Variants in MAN1C1 observed in about 807,000 individuals in gnomAD.
MAN1C1 encodes the protein mannosyl-oligosaccharide 1,2-alpha-mannosidase IC.
Under a neutral mutation model 71.5 loss-of-function variants are expected in MAN1C1, and 49 were observed. That is an observed-to-expected ratio of 0.69 (90% CI 0.54 to 0.87). The LOEUF (loss-of-function observed/expected upper bound fraction) is 0.87, where lower values mean the gene tolerates loss of function less well. MAN1C1 is among the 40% of genes least tolerant of loss of function. The pLI, the probability that MAN1C1 is intolerant of heterozygous loss-of-function variation, is 0.00. For synonymous variants in MAN1C1, 352 were observed against 343.7 expected (o/e 1.02, Z -0.27); for missense variants, 743 against 835.0 (o/e 0.89, Z 1.36).
chr1:25,771,348 A>G, intron 7 of MAN1C1, among the ~76,000 whole-genome samples: 1 of 152,106 alleles, frequency 6.6e-6, no homozygotes, highest in African/African-American at 2.4e-5. Context: ...AATGCAACTC[A>G]CTTACAGTTA....
intron 2 of MAN1C1, among the ~76,000 whole-genome samples, chr1:25,717,963 A>G (rs780882789): frequency 1.3e-5 from 2 of 152,006 alleles, no homozygotes; most frequent in East Asian, 1.9e-4. Context: ...AGGCTGTTCT[A>G]GTAGATGTGT....
chr1:25,637,627 C>G (rs1399155347), intron 1 of MAN1C1, among the ~76,000 whole-genome samples: 1 of 150,482 alleles, frequency 6.6e-6, no homozygotes, highest in Non-Finnish European at 1.5e-5. Context: ...CTTTTAAAAT[C>G]TTTTATGGAG....
intron 3 of MAN1C1, 36 bp from the exon 4 acceptor site, chr1:25,749,219 G>T: frequency 6.3e-7 from 1 of 1,575,258 alleles, no homozygotes; most frequent in East Asian, 2.2e-5. Context: ...TCTTACAAGT[G>T]TCCCCACTGT....
At chr1:25,626,226 T>A (rs1403382146) in intron 1 of MAN1C1, among the ~76,000 whole-genome samples, 2 of 152,368 alleles carry the variant, frequency 1.3e-5, no homozygotes, top group Non-Finnish European at 2.9e-5. Flanking sequence ...GAGTTCCGCA[T>A]CCTTGCCAAC....
At chr1:25,742,218 G>A (rs2047072107) in intron 2 of MAN1C1, among the ~76,000 whole-genome samples, 1 of 152,216 alleles carries the variant, frequency 6.6e-6, no homozygotes, top group Non-Finnish European at 1.5e-5. Context: ...ATGGAAGCAG[G>A]AGCTTGCACC....
chr1:25,663,282 C>T (rs1240648246), intron 1 of MAN1C1, among the ~76,000 whole-genome samples: 1 of 151,736 alleles, frequency 6.6e-6, no homozygotes, highest in Non-Finnish European at 1.5e-5. Flanking sequence ...ATATCTAGCA[C>T]AGTTCTTAGC....
chr1:25,748,771 G>T (rs1381426731), intron 3 of MAN1C1, among the ~76,000 whole-genome samples: 1 of 152,252 alleles, frequency 6.6e-6, no homozygotes, highest in African/African-American at 2.4e-5. Flanking sequence ...GTAGCTGCCT[G>T]GCTGCCTGGC....
At chr1:25,772,143 C>T (rs928268059) in intron 8 of MAN1C1, 1 of 194,618 alleles carries the variant, frequency 5.1e-6, no homozygotes, top group African/African-American at 2.4e-5. Flanking sequence ...TGGGCTGGCA[C>T]CCCCAAGGGT....
At position 25,631,745 on chromosome 1, in the gene MAN1C1, A is replaced by G. The variant is rs180954653; in HGVS notation, c.540+13408A>G. On this transcript the variant is annotated intron_variant, in intron 1 of 11. Coordinates refer to ENST00000374332, the MANE Select transcript of MAN1C1 (RefSeq NM_020379.4). The surrounding 1 kb of genome is among the most constrained non-coding windows in gnomAD (Gnocchi z 4.2). The stretch of plus-strand genomic sequence containing the variant: ...TGTCCTTTCCTGGTTTTGTTATGAA[A>G]GTGATACTGGCTTCGTAGAATGATT... 1.3e-5 allele frequency among the ~76,000 whole-genome samples: 2 copies of G among 152,254 alleles called. No homozygotes were observed. Among genetic ancestry groups the G allele is most frequent in the East Asian group, 3.9e-4 (2 of 5,194 alleles).
intron 1 of MAN1C1, among the ~76,000 whole-genome samples, chr1:25,655,601 GTCTAGCTTTTTA>G (rs1265432907): frequency 6.6e-6 from 1 of 152,150 alleles, no homozygotes; most frequent in Non-Finnish European, 1.5e-5. Context: ...CTGGGGCAGA[GTCTAGCTTTTTA>G]GAAGGCAGAC....
At chr1:25,781,782 C>T (rs2047699111) in intron 10 of MAN1C1, among the ~76,000 whole-genome samples, 1 of 152,152 alleles carries the variant, frequency 6.6e-6, no homozygotes, top group South Asian at 2.1e-4. Flanking sequence ...TTAAGTCCAC[C>T]TGCTTCCCCA....
Position 25,764,979 on chromosome 1 carries a change from C to T in MAN1C1, c.1141+1012C>T, listed in dbSNP as rs1453858247. On this transcript the variant is annotated intron_variant, in intron 7 of 11. Coordinates refer to ENST00000374332, the MANE Select transcript of MAN1C1 (RefSeq NM_020379.4). This position sits in a 1 kb window ranked among gnomAD's most constrained non-coding sequence, Gnocchi z 4.4. The stretch of plus-strand genomic sequence containing the variant: ...AGGAGAATCGCTTGAACCCGGGAGG[C>T]GGAGGTTGCAGTGAGCCAAGACCGC... 2.0e-5 allele frequency among the ~76,000 whole-genome samples: 3 copies of T among 151,840 alleles called. No homozygotes were observed. The highest frequency in any genetic ancestry group is 2.1e-4 in the South Asian group (1 of 4,808).
At chr1:25,625,082 A>G (rs969015225) in intron 1 of MAN1C1, among the ~76,000 whole-genome samples, 116 of 142,838 alleles carry the variant, frequency 8.1e-4, no homozygotes, top group Non-Finnish European at 1.5e-3. Flanking sequence ...CTCTGCACAC[A>G]GCAACCTCTG....
chr1:25,751,389 C>T (rs1430512455), intron 4 of MAN1C1, among the ~76,000 whole-genome samples: 1 of 152,166 alleles, frequency 6.6e-6, no homozygotes, highest in Non-Finnish European at 1.5e-5. Flanking sequence ...CCCTTCCTCC[C>T]TTCTCTCTTC....
chr1:25,750,148 G>A lies in MAN1C1; in HGVS notation c.834+813G>A, dbSNP rs543958590. Among the ~76,000 whole-genome samples, 14 of 152,268 alleles carry A rather than the reference G, an allele frequency of 9.2e-5. No homozygotes were observed. In the South Asian group the frequency reaches 1.9e-3, roughly 20 times the overall value. ...GCATGGATGGTTCTGATACCCCTTC[G>A]CTCAAAGACCTCTTAGGACATGGGA... is the stretch of plus-strand genomic sequence containing the variant. On this transcript the variant is annotated intron_variant, in intron 4 of 11. Transcript: ENST00000374332.
chr1:25,737,640 A>G (rs1314539914), intron 2 of MAN1C1, among the ~76,000 whole-genome samples: 2 of 152,198 alleles, frequency 1.3e-5, no homozygotes, highest in Non-Finnish European at 2.9e-5. Context: ...TGGGATTCAC[A>G]GGCACCTATG....
intron 2 of MAN1C1, among the ~76,000 whole-genome samples, chr1:25,720,792 T>C (rs925851980): frequency 1.8e-4 from 27 of 152,248 alleles, no homozygotes; most frequent in Non-Finnish European, 8.8e-5. Flanking sequence ...TCTAGAAGTG[T>C]TATAGTTTTA....
intron 1 of MAN1C1, among the ~76,000 whole-genome samples, chr1:25,627,434 C>T (rs528436358): frequency 1.3e-5 from 2 of 152,248 alleles, no homozygotes; most frequent in African/African-American, 4.8e-5. Flanking sequence ...GCCACCACGC[C>T]CAACTAATTT....
At chr1:25,742,964 C>T (rs1315742910) in intron 2 of MAN1C1, among the ~76,000 whole-genome samples, 1 of 152,200 alleles carries the variant, frequency 6.6e-6, no homozygotes, top group Non-Finnish European at 1.5e-5. Flanking sequence ...AACTGATGAA[C>T]AATCGGTTCA....
Sources: gnomAD v4.1 joint callset for allele counts (sites outside exome capture counted in the v4.1 genomes callset) on GRCh38, gnomAD v4.1.1 for gene constraint, Gnocchi (gnomAD v3.1) non-coding constraint, MANE v1.5 for transcripts, NCBI Gene and HGNC (gene_info 2026-07-23, HGNC 2026-07-21) for gene names.